The following DZIP1 variants were observed in gnomAD, a reference collection of about 807,000 sequenced individuals.
DZIP1 encodes the protein DAZ interacting zinc finger protein 1, also known as cilium assembly protein DZIP1.
A neutral mutation model predicts 107.6 loss-of-function variants in DZIP1; 97 were observed. That is an observed-to-expected ratio of 0.90 (90% confidence interval 0.77 to 1.07). DZIP1 has a LOEUF of 1.07. Ranked by LOEUF, DZIP1 falls within the 50% of genes least tolerant of loss-of-function variation. The pLI is 0.00. For synonymous variants in DZIP1, 390 were observed against 386.4 expected (o/e 1.01, Z -0.11); for missense variants, 1,035 against 1,063.6 (o/e 0.97, Z 0.37).
At chr13:95,613,122 G>T in intron 10 of DZIP1, among the ~76,000 whole-genome samples, 1 of 152,160 alleles carries the variant, frequency 6.6e-6, no homozygotes, top group African/African-American at 2.4e-5. Flanking sequence ...TGGACAAAAA[G>T]AATTCAAGAA....
chr13:95,597,202 A>G (rs760285748), intron 15 of DZIP1, among the ~76,000 whole-genome samples: 1 of 152,238 alleles, frequency 6.6e-6, no homozygotes, highest in Non-Finnish European at 1.5e-5. Flanking sequence ...TGGAAGTTAC[A>G]AGACCACTCT....
chr13:95,641,269 A>C lies in DZIP1; in HGVS notation c.597+26T>G, dbSNP rs61975171. 0.23 allele frequency: 359,621 copies of C among 1,543,058 alleles called. 44,527 individuals are homozygous for C. Among genetic ancestry groups the C allele is most frequent in the Non-Finnish European group, 0.25 (290,793 of 1,140,838 alleles). On this transcript the variant is annotated intron_variant, in intron 5 of 22. Transcript: ENST00000376829. This position sits in a 1 kb window ranked among gnomAD's most constrained non-coding sequence, Gnocchi z 4.3. The stretch of plus-strand genomic sequence containing the variant: ...GAACTGAGTTGTTTACTGGATTATG[A>C]ATCGTGCTCACACACAGCTGCCCAC...
At chr13:95,644,351 C>G (rs917742080) in intron 1 of DZIP1, 26 bp downstream of exon 1, 3 of 152,424 alleles carry the variant, frequency 2.0e-5, no homozygotes, top group Non-Finnish European at 2.9e-5. Context: ...CTGTGGGCGC[C>G]TGGCGCATCC....
Position 95,641,596 on chromosome 13 carries a change from CAGA to C in DZIP1, c.293_295del (p.Phe98del). ...TGGGCACTTCTCGTCTTCCAGCTTG[CAGA>C]AGGTGATGTTCATGATGTTCTCCTG... On this transcript the variant is annotated inframe_deletion, in exon 5 of 23. Coordinates refer to ENST00000376829, the MANE Select transcript of DZIP1 (RefSeq NM_198968.4). The surrounding 1 kb of genome is among the most constrained non-coding windows in gnomAD (Gnocchi z 4.3). The C allele has an allele frequency of 6.2e-7, 1 of 1,613,234 alleles. No homozygotes were observed. Among genetic ancestry groups the C allele is most frequent in the Non-Finnish European group, 8.5e-7 (1 of 1,180,038 alleles).
chr13:95,631,551 G>C (rs577725184), intron 6 of DZIP1, among the ~76,000 whole-genome samples: 56 of 152,234 alleles, frequency 3.7e-4, no homozygotes, highest in African/African-American at 1.3e-3. Flanking sequence ...TGCCCATGGA[G>C]AAAGAGCCCT....
chr13:95,589,183 A>G lies in DZIP1; in HGVS notation c.1998T>C (p.Asp666=). Residue 666 remains aspartate, a synonymous_variant, in exon 19 of 23, where the codon GAT becomes GAC. Coordinates refer to ENST00000376829, the MANE Select transcript of DZIP1 (RefSeq NM_198968.4). ...TAGTTGAAGACTTTCTGGGAAAAGG[A>G]TCTTCCATGACATTTTTCTTAATTC... ...VPKIKKNVME[D]PFPRKSSTIT... is the part of the protein sequence containing the mutation. 6.2e-7 allele frequency: 1 copy of G among 1,607,162 alleles called. No individual in the cohort carries two copies.
At chr13:95,628,099 G>T (rs1167119680) in intron 7 of DZIP1, among the ~76,000 whole-genome samples, 1 of 152,022 alleles carries the variant, frequency 6.6e-6, no homozygotes, top group Non-Finnish European at 1.5e-5. Flanking sequence ...GGGTGCAGCG[G>T]TGTGAACACA....
chr13:95,612,879 C>T (rs971861891), intron 10 of DZIP1, among the ~76,000 whole-genome samples: 1 of 152,068 alleles, frequency 6.6e-6, no homozygotes, highest in African/African-American at 2.4e-5. Context: ...GCCACCGTGC[C>T]CAGCCCCATC....
intron 13 of DZIP1, among the ~76,000 whole-genome samples, chr13:95,608,608 C>T (rs999205550): frequency 1.3e-5 from 2 of 152,148 alleles, no homozygotes; most frequent in African/African-American, 4.8e-5. Context: ...AGCATCTCTT[C>T]CTCTCTCAAC....
chr13:95,641,706 C>T lies in DZIP1; in HGVS notation c.186G>A (p.Pro62=). The change falls in exon 5 of 23, where the codon CCG becomes CCA. Residue 62 remains proline (P), a synonymous_variant. Coordinates refer to ENST00000376829, the MANE Select transcript of DZIP1 (RefSeq NM_198968.4). The surrounding 1 kb of genome is among the most constrained non-coding windows in gnomAD (Gnocchi z 4.3). The stretch of plus-strand genomic sequence containing the variant: ...GCCGCCAGTCCACACTCTCCAGCCG[C>T]GGCCTGAACTGGAAGAAGGGCAGGG... The part of the protein sequence containing the change: ...SGPLPFFQFR[P]RLESVDWRRL... The T allele has an allele frequency of 1.2e-6, 2 of 1,602,230 alleles. No homozygotes were observed. Among genetic ancestry groups the T allele is most frequent in the Non-Finnish European group, 1.7e-6 (2 of 1,179,190 alleles).
chr13:95,606,495 G>A (rs1007123780), intron 13 of DZIP1, among the ~76,000 whole-genome samples: 2 of 152,154 alleles, frequency 1.3e-5, no homozygotes, highest in Admixed American at 6.5e-5. Context: ...ACAGTATGTG[G>A]TCCCTTGCGT....
Position 95,610,111 on chromosome 13 carries a change from T to TGAGAGA in DZIP1, c.1364-604_1364-599dup, listed in dbSNP as rs1555308785. The stretch of plus-strand genomic sequence containing the variant: ...GTGTGTGTGTGTGTGTGTGTGTGTG[T>TGAGAGA]GAGAGAGAGACAGAGAGAGAGAGAC... On this transcript the variant is annotated intron_variant, in intron 12 of 22. Transcript: ENST00000376829. Among the ~76,000 whole-genome samples, 16 of 126,770 alleles carry TGAGAGA rather than the reference T, an allele frequency of 1.3e-4. No individual in the cohort carries two copies. In the East Asian group the frequency reaches 1.3e-3, roughly 11 times the overall value. The allele number at this position is 126,770 out of a possible 152,430, so 83.2% of individuals were successfully genotyped here. A position where few individuals can be genotyped will look rare whatever the true frequency, so the allele number is the denominator to read the frequency against.
intron 5 of DZIP1, among the ~76,000 whole-genome samples, chr13:95,637,917 G>A (rs543435857): frequency 3.9e-5 from 6 of 151,960 alleles, no homozygotes; most frequent in Non-Finnish European, 7.4e-5. Flanking sequence ...GAATACATAT[G>A]TTCATAAAAA....
intron 16 of DZIP1, among the ~76,000 whole-genome samples, chr13:95,592,021 T>C (rs538763832): frequency 6.6e-6 from 1 of 152,130 alleles, no homozygotes; most frequent in Non-Finnish European, 1.5e-5. Context: ...GTAAAACAGT[T>C]GAAAGTCCAA....
chr13:95,642,334 G>A, intron 3 of DZIP1, 93 bp from the exon 4 acceptor site: 1 of 344,224 alleles, frequency 2.9e-6, no homozygotes, highest in Non-Finnish European at 5.2e-6. Context: ...TCCCCAGGGC[G>A]CCACCCTCCC....
intron 5 of DZIP1, chr13:95,637,067 G>A (rs374588693): frequency 6.6e-6 from 1 of 152,222 alleles, no homozygotes; most frequent in Non-Finnish European, 1.5e-5. Context: ...AGTTCAGAGG[G>A]AAAGTGTGAC....
chr13:95,589,509 G>T (rs2044253642), intron 18 of DZIP1, among the ~76,000 whole-genome samples: 1 of 152,154 alleles, frequency 6.6e-6, no homozygotes, highest in Non-Finnish European at 1.5e-5. Flanking sequence ...TTTAGATGAG[G>T]TCATGTGGAT....
At chr13:95,618,325 C>T (rs889158482) in intron 10 of DZIP1, among the ~76,000 whole-genome samples, 1 of 152,170 alleles carries the variant, frequency 6.6e-6, no homozygotes, top group African/African-American at 2.4e-5. Context: ...CTAAATTGAA[C>T]TGCCACATCA....
intron 7 of DZIP1, among the ~76,000 whole-genome samples, chr13:95,625,328 A>T (rs1876401472): frequency 6.6e-6 from 1 of 152,246 alleles, no homozygotes; most frequent in African/African-American, 2.4e-5. Context: ...CCCAGAAAAT[A>T]CAAATTCAGA....
Sources: allele counts gnomAD v4.1 joint callset (sites outside exome capture counted in the v4.1 genomes callset), GRCh38; gene constraint gnomAD v4.1.1; non-coding constraint Gnocchi (gnomAD v3.1); transcripts MANE v1.5; gene names NCBI Gene and HGNC (gene_info 2026-07-23, HGNC 2026-07-21).